GRIA1: variants seen among roughly 807,000 people sequenced by gnomAD.
The protein encoded by GRIA1 is glutamate receptor 1.
Under a neutral mutation model 99.2 loss-of-function variants are expected in GRIA1, and 31 were observed. That is an observed-to-expected ratio of 0.31 (90% CI 0.23 to 0.42). The LOEUF is 0.42. GRIA1 is among the 10% of genes least tolerant of loss of function. GRIA1 has a pLI of 1.00. For synonymous variants in GRIA1, 438 were observed against 432.4 expected (o/e 1.01, Z -0.16); for missense variants, 782 against 1,157.5 (o/e 0.68, Z 4.71).
intron 11 of GRIA1, among the ~76,000 whole-genome samples, chr5:153,761,431 A>G (rs917359228): frequency 5.3e-5 from 8 of 152,162 alleles, no homozygotes; most frequent in African/African-American, 1.4e-4. Context: ...CCACATCACT[A>G]ATCATCAGGG....
chr5:153,589,713 G>T (rs1763795308), intron 2 of GRIA1, among the ~76,000 whole-genome samples: 1 of 152,090 alleles, frequency 6.6e-6, no homozygotes, highest in African/African-American at 2.4e-5. Flanking sequence ...TTACTCTCAG[G>T]TTGGCACTAT....
At chr5:153,760,337 G>T (rs935022312) in intron 11 of GRIA1, among the ~76,000 whole-genome samples, 11 of 151,966 alleles carry the variant, frequency 7.2e-5, no homozygotes, top group Admixed American at 5.9e-4. Flanking sequence ...CAACAAAGTT[G>T]CAGGGTATAA....
At chr5:153,766,953 A>G (rs1241790267) in intron 12 of GRIA1, among the ~76,000 whole-genome samples, 3 of 152,174 alleles carry the variant, frequency 2.0e-5, no homozygotes, top group Non-Finnish European at 4.4e-5. Context: ...GGCCTACTAC[A>G]TTGGTGACAA....
At chr5:153,685,519 A>G (rs986214486) in intron 7 of GRIA1, among the ~76,000 whole-genome samples, 1 of 152,176 alleles carries the variant, frequency 6.6e-6, no homozygotes, top group African/African-American at 2.4e-5. Flanking sequence ...TCTGAACACA[A>G]TGGGTTCTCC....
At chr5:153,787,500 ACTT>A (rs1169842510) in intron 13 of GRIA1, among the ~76,000 whole-genome samples, 1 of 151,750 alleles carries the variant, frequency 6.6e-6, no homozygotes, top group Non-Finnish European at 1.5e-5. Flanking sequence ...GATGACTCTA[ACTT>A]TGCCAAATTA....
At chr5:153,700,086 A>G (rs765555373) in intron 10 of GRIA1, among the ~76,000 whole-genome samples, 19 of 152,186 alleles carry the variant, frequency 1.2e-4, no homozygotes, top group Non-Finnish European at 2.4e-4. Context: ...AAATGACCAT[A>G]TTTAAACAGA....
Position 153,576,978 on chromosome 5 carries a change from ATGGATGGG to A in GRIA1, c.221-69947_221-69940del, listed in dbSNP as rs1389335956. The stretch of plus-strand genomic sequence containing the variant: ...GATGGATGGATGGATGGATGGATGG[ATGGATGGG>A]TGAGTGGATGAATGGATGGATGGAT... On this transcript the variant is annotated intron_variant, in intron 2 of 15. Transcript: ENST00000285900. Among the ~76,000 whole-genome samples the A allele has an allele frequency of 4.6e-3, 370 of 80,318 alleles. 2 individuals are homozygous for A. The highest frequency in any genetic ancestry group is 5.5e-3 in the African/African-American group (130 of 23,510). 52.7% of individuals were successfully genotyped at this position (80,318 alleles called of 152,430 possible).
chr5:153,782,226 A>G (rs1474563813), intron 13 of GRIA1, among the ~76,000 whole-genome samples: 1 of 152,250 alleles, frequency 6.6e-6, no homozygotes, highest in Non-Finnish European at 1.5e-5. Context: ...AGTGGCACAG[A>G]GAGACTAATT....
intron 7 of GRIA1, among the ~76,000 whole-genome samples, chr5:153,680,484 A>C (rs891928696): frequency 6.6e-6 from 1 of 152,116 alleles, no homozygotes; most frequent in African/African-American, 2.4e-5. Flanking sequence ...AAATCTGTAG[A>C]TTCTTTTGCT....
At chr5:153,558,377 A>C (rs549350829) in intron 2 of GRIA1, among the ~76,000 whole-genome samples, 1 of 152,278 alleles carries the variant, frequency 6.6e-6, no homozygotes, top group African/African-American at 2.4e-5. Context: ...TTTTTTAAGC[A>C]CATTTATAGG....
rs765332502 is a variant in GRIA1, at chr5:153,686,245, A to G, written c.1050A>G (p.Thr350=). Residue 350 remains threonine (T), a synonymous_variant, in exon 8 of 16, where the codon ACA becomes ACG. Transcript: ENST00000285900. Reference sequence around the variant, plus strand: ...TCCAGGTGCGATTTGAAGGTTTAACAGGAAACGTGCAGTTTAATGAGAAAG... The same window carrying G: ...TCCAGGTGCGATTTGAAGGTTTAACGGGAAACGTGCAGTTTAATGAGAAAG... ...ALQQVRFEGL[T]GNVQFNEKGR... 1.2e-6 allele frequency: 2 copies of G among 1,613,878 alleles called. No individual in the cohort carries two copies.
chr5:153,745,691 A>G (rs1485317399), intron 11 of GRIA1, among the ~76,000 whole-genome samples: 1 of 151,974 alleles, frequency 6.6e-6, no homozygotes. Flanking sequence ...AAAAAAAAAT[A>G]AAGCCCATAA....
chr5:153,754,554 G>T (rs1185045137), intron 11 of GRIA1, among the ~76,000 whole-genome samples: 1 of 152,164 alleles, frequency 6.6e-6, no homozygotes, highest in East Asian at 1.9e-4. Flanking sequence ...AAGGCTTTGG[G>T]CTTCACTAGA....
rs546404656 is a variant in GRIA1 at position 153,651,970 on chromosome 5, G to A, written c.645+1456G>A. 8.6e-4 allele frequency among the ~76,000 whole-genome samples: 131 copies of A among 152,254 alleles called. 1 individual carries two copies. The highest frequency in any genetic ancestry group is 3.4e-3 in the Middle Eastern group (1 of 294). On this transcript the variant is annotated intron_variant, in intron 4 of 15. Coordinates refer to ENST00000285900, the MANE Select transcript of GRIA1 (RefSeq NM_000827.4). ...TAATCTTTCTACATCTCAAGTTCTT[G>A]ATCTGTAAAATGGGCATCATCATCA...
At chr5:153,774,065 A>ACCCCCCCCCCCCCCCCCCCCCCCC (rs1200579843) in intron 13 of GRIA1, among the ~76,000 whole-genome samples, 1 of 54,926 alleles carries the variant, frequency 1.8e-5, no homozygotes, top group Non-Finnish European at 3.4e-5. Flanking sequence ...CTACACCCCA[A>ACCCCCCCCCCCCCCCCCCCCCCCC]CCCCCCCTCC....
chr5:153,765,939 A>G (rs1163791397), intron 12 of GRIA1, among the ~76,000 whole-genome samples: 1 of 152,228 alleles, frequency 6.6e-6, no homozygotes, highest in African/African-American at 2.4e-5. Flanking sequence ...AGGAGCAGAG[A>G]CAGCACGCTG....
intron 2 of GRIA1, among the ~76,000 whole-genome samples, chr5:153,637,486 C>T (rs1753449508): frequency 6.6e-6 from 1 of 152,190 alleles, no homozygotes; most frequent in South Asian, 2.1e-4. Context: ...TATGGACCAT[C>T]CCGGAAAGAT....
intron 2 of GRIA1, among the ~76,000 whole-genome samples, chr5:153,639,530 C>T (rs1753638580): frequency 6.6e-6 from 1 of 152,216 alleles, no homozygotes; most frequent in African/African-American, 2.4e-5. Context: ...TTTCTCAGCT[C>T]CAATGCTAGT....
chr5:153,750,668 A>G (rs1762453173), intron 11 of GRIA1, among the ~76,000 whole-genome samples: 1 of 151,964 alleles, frequency 6.6e-6, no homozygotes, highest in African/African-American at 2.4e-5. Flanking sequence ...TGCTCCTCAC[A>G]CTGTGTGCAT....
Sources: gnomAD v4.1 joint callset for allele counts (sites outside exome capture counted in the v4.1 genomes callset) on GRCh38, gnomAD v4.1.1 for gene constraint, MANE v1.5 for transcripts, NCBI Gene and HGNC (gene_info 2026-07-23, HGNC 2026-07-21) for gene names.